The following ANO9 variants were observed in gnomAD, a reference collection of about 807,000 sequenced individuals.
The protein encoded by ANO9 is anoctamin-9.
ANO9 carries 80 observed loss-of-function variants against 100.5 expected under a neutral mutation model. The observed-to-expected ratio is 0.80, with a 90% CI of 0.66 to 0.96. The LOEUF is 0.96. Among genes scored for constraint, ANO9 ranks in the 40% least tolerant of loss-of-function variants. The probability of loss-of-function intolerance (pLI) is 0.00; values close to 1 mark genes in which losing one functional copy is unlikely to be tolerated. For synonymous variants in ANO9, 473 were observed against 435.6 expected (o/e 1.09, Z -1.07); for missense variants, 1,064 against 1,072.7 (o/e 0.99, Z 0.11).
At chr11:434,231 C>A (rs912188169) in intron 1 of ANO9, 133 bp from the exon 2 acceptor site, 3 of 1,078,640 alleles carry the variant, frequency 2.8e-6, no homozygotes, top group Non-Finnish European at 3.9e-6. Flanking sequence ...CAAAGAGTCC[C>A]GAGGAGATGG....
rs1848650683 is a variant in ANO9 at position 428,344 on chromosome 11, G to A, written c.1222+14C>T. The A allele has an allele frequency of 1.9e-6, 3 of 1,612,408 alleles. No individual in the cohort carries two copies. The highest frequency in any genetic ancestry group is 1.7e-6 in the Non-Finnish European group (2 of 1,179,920). The stretch of plus-strand genomic sequence containing the variant: ...CGCCGGGTCCCCCAAGAGGGTCTGG[G>A]GTAGTCCTCTCACCGAAGTCACAAA... On this transcript the variant is annotated intron_variant, in intron 14 of 22. Transcript: ENST00000332826.
At chr11:426,835 C>A (rs1848547948) in intron 15 of ANO9, among the ~76,000 whole-genome samples, 1 of 152,104 alleles carries the variant, frequency 6.6e-6, no homozygotes, top group Non-Finnish European at 1.5e-5. Flanking sequence ...ACCACAAAAC[C>A]CCCTCAGGAG....
Position 428,731 on chromosome 11 carries a change from G to A in ANO9, c.1011C>T (p.Thr337=), listed in dbSNP as rs1343662142. The A allele has an allele frequency of 6.2e-7, 1 of 1,613,282 alleles. No homozygotes were observed. The highest frequency in any genetic ancestry group is 8.5e-7 in the Non-Finnish European group (1 of 1,179,948). The change falls in exon 12 of 23, where the codon ACC becomes ACT. Residue 337 remains threonine (T), a synonymous_variant. Transcript: ENST00000332826. ...GGTGTCCCCTGCGTACCATGAGCAG[G>A]GTCAGGACGAGGATGACGGTGCTGC... ...YLRSTVILVL[T]LLMICLMIGM... is the part of the protein sequence containing the mutation.
chr11:435,599 A>G (rs62653134), intron 1 of ANO9, among the ~76,000 whole-genome samples: 9 of 16,416 alleles, frequency 5.5e-4, no homozygotes, highest in East Asian at 6.2e-3. Flanking sequence ...GCATAGCATA[A>G]TATGGTATAG....
intron 19 of ANO9, 111 bp downstream of exon 19, chr11:420,352 G>A (rs528323827): frequency 1.4e-4 from 213 of 1,501,558 alleles, no homozygotes; most frequent in Middle Eastern, 4.6e-4. Flanking sequence ...GGCTGTCTGC[G>A]GCCTGAGATC....
At chr11:434,250 G>A (rs1162005505) in intron 1 of ANO9, 152 bp from the exon 2 acceptor site, 9 of 947,698 alleles carry the variant, frequency 9.5e-6, no homozygotes, top group African/African-American at 3.3e-5. Flanking sequence ...GGCTGTAGGC[G>A]GGTGACAGGC....
At position 433,462 on chromosome 11, in the gene ANO9, G is replaced by A. The variant is rs933160993; in HGVS notation, c.205-3C>T. 3 of 1,612,404 alleles carry A rather than the reference G, an allele frequency of 1.9e-6. No homozygotes were observed. The highest frequency in any genetic ancestry group is 1.3e-5 in the African/African-American group (1 of 74,562). The stretch of plus-strand genomic sequence containing the variant: ...ACCTGTTTCTGGTCCCGGATCACCT[G>A]GGGGCACATGGGATCCTCTATCCCA... On this transcript the variant is annotated splice_region_variant and splice_polypyrimidine_tract_variant and intron_variant, in intron 3 of 22. Transcript: ENST00000332826.
Position 428,581 on chromosome 11 carries a change from G to C in ANO9, c.1079C>G (p.Ala360Gly), listed in dbSNP as rs774199562. The change falls in exon 13 of 23, where the codon GCG becomes GGG. Residue 360 changes from alanine to glycine, a missense_variant. Physicochemically the swap from Ala to Gly is moderately conservative, Grantham distance 60 (BLOSUM62 0). Transcript: ENST00000332826. ...VLVVYRVLAS[A>G]LFSSSAVPFL... Reference sequence around the variant, plus strand: ...GGGCACGGCCGAGCTGCTGAAGAGCGCGGAGGCCAGGACGCGGTAGACCAC... The same window carrying C: ...GGGCACGGCCGAGCTGCTGAAGAGCCCGGAGGCCAGGACGCGGTAGACCAC... 6.2e-7 allele frequency: 1 copy of C among 1,612,642 alleles called. No homozygotes were observed. The highest frequency in any genetic ancestry group is 1.1e-5 in the South Asian group (1 of 91,080).
chr11:432,276 G>T lies in ANO9; in HGVS notation c.351-222C>A. On this transcript the variant is annotated intron_variant, in intron 4 of 22. Transcript: ENST00000332826. The surrounding 1 kb of genome is among the most constrained non-coding windows in gnomAD (Gnocchi z 4.8). ...GCCTGGCCTGCCCCACGGCGTCCAG[G>T]ATGAGGCTGGGCTGGGGGCTCCTTC... 1 of 568,924 alleles carries T rather than the reference G, an allele frequency of 1.8e-6. No homozygotes were observed. Among genetic ancestry groups the T allele is most frequent in the Non-Finnish European group, 3.1e-6 (1 of 318,644 alleles). The allele number at this position is 568,924 out of a possible 1,614,324, so 35.2% of individuals were successfully genotyped here.
chr11:419,550 C>T (rs766726534), intron 20 of ANO9, 32 bp downstream of exon 20: 1 of 1,608,794 alleles, frequency 6.2e-7, no homozygotes, highest in Non-Finnish European at 8.5e-7. Flanking sequence ...GCCAGTTTCT[C>T]CCAGGGGTCT....
chr11:426,481 G>A (rs1005681618), intron 15 of ANO9, among the ~76,000 whole-genome samples: 2 of 152,206 alleles, frequency 1.3e-5, no homozygotes, highest in East Asian at 1.9e-4. Context: ...GCTGAGGCAG[G>A]AGGATTGCTG....
At chr11:437,400 G>T (rs983450214) in intron 1 of ANO9, among the ~76,000 whole-genome samples, 2 of 151,786 alleles carry the variant, frequency 1.3e-5, no homozygotes, top group Non-Finnish European at 2.9e-5. Context: ...CAGCCTCCCT[G>T]CGGGGGGAAG....
In ANO9 at chr11:433,573, A is replaced by G. The variant is rs1849209080; in HGVS notation, c.205-114T>C. Reference sequence around the variant, plus strand: ...AACCCTCCCCCCTCTATTCCGCCTCAGAACCCTCCCTTCATCTGCCGCTGT... The same window carrying G: ...AACCCTCCCCCCTCTATTCCGCCTCGGAACCCTCCCTTCATCTGCCGCTGT... On this transcript the variant is annotated intron_variant, in intron 3 of 22. Transcript: ENST00000332826. The G allele has an allele frequency of 1.7e-5, 24 of 1,433,244 alleles. No homozygotes were observed. The South Asian group carries it at 2.7e-4, about 16-fold the overall frequency. 88.8% of individuals were successfully genotyped at this position (1,433,244 alleles called of 1,614,324 possible).
At chr11:435,314 G>A (rs1021133875) in intron 1 of ANO9, among the ~76,000 whole-genome samples, 3 of 152,014 alleles carry the variant, frequency 2.0e-5, no homozygotes, top group South Asian at 4.1e-4. Flanking sequence ...GCATAGTATA[G>A]GGTAGTATGG....
At chr11:434,140 T>A in intron 1 of ANO9, 42 bp from the exon 2 acceptor site, 2 of 1,544,530 alleles carry the variant, frequency 1.3e-6, no homozygotes, top group Non-Finnish European at 1.7e-6. Context: ...AGGATGTGAT[T>A]GGGGGCTAGA....
chr11:437,066 G>A (rs1459787826), intron 1 of ANO9, among the ~76,000 whole-genome samples: 1 of 151,016 alleles, frequency 6.6e-6, no homozygotes, highest in Non-Finnish European at 1.5e-5. Context: ...AGCTGGGGGT[G>A]AATGTTCCCA....
Position 433,369 on chromosome 11 carries a change from C to A in ANO9, c.295G>T (p.Gly99Trp). 1 of 1,613,086 alleles carries A rather than the reference C, an allele frequency of 6.2e-7. No individual in the cohort carries two copies. Among genetic ancestry groups the A allele is most frequent in the Non-Finnish European group, 8.5e-7 (1 of 1,179,868 alleles). The change falls in exon 4 of 23, where the codon GGG becomes TGG. Residue 99 changes from glycine to tryptophan, a missense_variant. Physicochemically the swap from Gly to Trp is radical, Grantham distance 184 (BLOSUM62 -2). Transcript: ENST00000332826. ...LYRTLLLEPE[G>W]PAPHAELAAP... ...GCCAGCTCGGCGTGGGGGGCAGGCC[C>A]CTCAGGCTCCAGGAGGAGAGTGCGG...
Position 438,928 on chromosome 11 carries a change from A to G in ANO9, c.6+2993T>C, listed in dbSNP as rs537590188. On this transcript the variant is annotated intron_variant, in intron 1 of 22. Coordinates refer to ENST00000332826, the MANE Select transcript of ANO9 (RefSeq NM_001012302.3). ...GGGTAGGGACAGGGGCTGTCCCTACACACTCAGTCTGAGGGCCTCTGAAGC... is the reference window on the plus strand; with the variant it reads ...GGGTAGGGACAGGGGCTGTCCCTACGCACTCAGTCTGAGGGCCTCTGAAGC... 9.9e-4 allele frequency among the ~76,000 whole-genome samples: 150 copies of G among 152,250 alleles called. 1 individual carries two copies. In the East Asian group the frequency reaches 0.023, roughly 24 times the overall value.
At position 419,588 on chromosome 11, in the gene ANO9, G is replaced by A. The variant is rs1172740439; in HGVS notation, c.1928C>T (p.Thr643Ile). ...AGACACCCTGAGGCCTTACTCGACA[G>A]TAGAGTTGCCTTCTTTCAGGCATGG... Reference protein sequence around the residue: ...YSPCLKEGNSTVDCLKGYVNH... With the variant: ...YSPCLKEGNSIVDCLKGYVNH... The change falls in exon 20 of 23, where the codon ACT becomes ATT. Residue 643 changes from threonine (T) to isoleucine (I), a missense_variant. Transcript: ENST00000332826. The A allele has an allele frequency of 6.2e-7, 1 of 1,613,378 alleles. No homozygotes were observed. The highest frequency in any genetic ancestry group is 2.2e-5 in the East Asian group (1 of 44,884).
Sources: allele counts gnomAD v4.1 joint callset (sites outside exome capture counted in the v4.1 genomes callset), GRCh38; gene constraint gnomAD v4.1.1; non-coding constraint Gnocchi (gnomAD v3.1); transcripts MANE v1.5; gene names NCBI Gene and HGNC (gene_info 2026-07-23, HGNC 2026-07-21).